Variants in MINDY2 observed in about 807,000 individuals in gnomAD.
MINDY2 encodes MINDY lysine 48 deubiquitinase 2, also known as ubiquitin carboxyl-terminal hydrolase MINDY-2.
MINDY2 carries 52 observed loss-of-function variants against 68.2 expected under a neutral mutation model. That is an observed-to-expected ratio of 0.76 (90% CI 0.61 to 0.96). The LOEUF (loss-of-function observed/expected upper bound fraction) is 0.96. Among genes scored for constraint, MINDY2 ranks in the 40% least tolerant of loss-of-function variants. MINDY2 has a pLI of 0.00. For missense variants in MINDY2, 881 were observed against 773.4 expected (o/e 1.14, Z -1.65); for synonymous variants, 372 against 303.0 (o/e 1.23, Z -2.36).
chr15:58,847,547 T>G (rs1460045879), intron 7 of MINDY2, 77 bp downstream of exon 7: 2 of 1,283,908 alleles, frequency 1.6e-6, no homozygotes, highest in Admixed American at 4.8e-5. Flanking sequence ...TCCAAAATTT[T>G]TCAACTAAAG....
chr15:58,811,630 AC>A (rs2030262997), intron 4 of MINDY2, among the ~76,000 whole-genome samples: 1 of 152,098 alleles, frequency 6.6e-6, no homozygotes, highest in South Asian at 2.1e-4. Flanking sequence ...GAGGAATACT[AC>A]CCCCAAGCTA....
intron 1 of MINDY2, among the ~76,000 whole-genome samples, chr15:58,783,475 G>T (rs1677746502): frequency 6.6e-6 from 1 of 151,846 alleles, no homozygotes; most frequent in African/African-American, 2.4e-5. Context: ...TTTTCCTTTG[G>T]ATTATCAAAA....
intron 6 of MINDY2, among the ~76,000 whole-genome samples, chr15:58,839,421 T>C (rs2032171381): frequency 6.6e-6 from 1 of 152,140 alleles, no homozygotes; most frequent in Non-Finnish European, 1.5e-5. Flanking sequence ...AACCTCCACC[T>C]CCCCGGTTCA....
At chr15:58,800,061 A>C (rs1278209760) in intron 2 of MINDY2, among the ~76,000 whole-genome samples, 2 of 152,236 alleles carry the variant, frequency 1.3e-5, no homozygotes, top group African/African-American at 4.8e-5. Flanking sequence ...AAGCGAGGTC[A>C]ATGTTGAAGC....
At position 58,860,226 on chromosome 15, in the gene MINDY2, G is replaced by C. The variant is rs375647845; in HGVS notation, c.*5616G>C. The C allele has an allele frequency of 6.6e-6, 1 of 152,196 alleles. No individual in the cohort carries two copies. The highest frequency in any genetic ancestry group is 6.5e-5 in the Admixed American group (1 of 15,272). The allele number at this position is 152,196 out of a possible 1,614,324, so 9.4% of individuals were successfully genotyped here. On this transcript the variant is annotated 3_prime_UTR_variant, in exon 9 of 9. Coordinates refer to ENST00000559228, the MANE Select transcript of MINDY2 (RefSeq NM_001040450.3). The stretch of plus-strand genomic sequence containing the variant: ...AGGACAAAACAAAATGTTTTGGAAG[G>C]TGATCCTGGCTCCTTTGGCTCTCAT...
At chr15:58,780,448 C>G (rs563250057) in intron 1 of MINDY2, among the ~76,000 whole-genome samples, 3 of 151,622 alleles carry the variant, frequency 2.0e-5, no homozygotes, top group South Asian at 4.2e-4. Context: ...GTTTAAATAA[C>G]TAGTCCAAGG....
Position 58,810,233 on chromosome 15 carries a change from A to G in MINDY2, c.967A>G (p.Met323Val), listed in dbSNP as rs1205743050. The G allele has an allele frequency of 2.5e-6, 4 of 1,603,126 alleles. No homozygotes were observed. The South Asian group carries it at 4.5e-5, about 18-fold the overall frequency. ...EIQRLNYEQN[M>V]SDAMAILHKL... is the part of the protein sequence containing the mutation. ...CTTTCCCCTTTTCTATTTTCAGAAT[A>G]TGAGTGATGCCATGGCAATTTTGCA... Residue 323 changes from methionine (M) to valine (V), a missense_variant, in exon 4 of 9, where the codon ATG becomes GTG. Coordinates refer to ENST00000559228, the MANE Select transcript of MINDY2 (RefSeq NM_001040450.3).
intron 5 of MINDY2, among the ~76,000 whole-genome samples, chr15:58,825,944 T>C (rs1267997591): frequency 6.6e-6 from 1 of 152,152 alleles, no homozygotes; most frequent in African/African-American, 2.4e-5. Context: ...AGGACAAAAA[T>C]ATGCTTATAA....
intron 8 of MINDY2, among the ~76,000 whole-genome samples, chr15:58,854,114 G>T (rs2032965161): frequency 6.6e-6 from 1 of 151,888 alleles, no homozygotes; most frequent in African/African-American, 2.4e-5. Flanking sequence ...CGTGGTGGCA[G>T]GTGCCTGTAA....
At chr15:58,776,648 GAGGAA>G (rs1900790396) in intron 1 of MINDY2, among the ~76,000 whole-genome samples, 1 of 152,106 alleles carries the variant, frequency 6.6e-6, no homozygotes, top group African/African-American at 2.4e-5. Context: ...GTTCTCTTTA[GAGGAA>G]AGGAACAACA....
At chr15:58,774,908 T>G (rs540735660) in intron 1 of MINDY2, among the ~76,000 whole-genome samples, 50 of 152,278 alleles carry the variant, frequency 3.3e-4, no homozygotes, top group Non-Finnish European at 6.0e-4. Context: ...GCTAATGAAT[T>G]TGGAGATTAT....
In MINDY2 at chr15:58,860,062, AT is replaced by A. The variant is rs2033172984; in HGVS notation, c.*5454del. On this transcript the variant is annotated 3_prime_UTR_variant, in exon 9 of 9. Coordinates refer to ENST00000559228, the MANE Select transcript of MINDY2 (RefSeq NM_001040450.3). ...ACCCCAGTAGACTTCTTCTTCTGCC[AT>A]TAAGTCTCTCTTTATCTGATATTCT... The A allele has an allele frequency of 6.6e-6, 1 of 152,192 alleles. No homozygotes were observed. Among genetic ancestry groups the A allele is most frequent in the Non-Finnish European group, 1.5e-5 (1 of 68,034 alleles). 9.4% of individuals were successfully genotyped at this position (152,192 alleles called of 1,614,324 possible).
intron 4 of MINDY2, among the ~76,000 whole-genome samples, chr15:58,816,755 A>G (rs1484317963): frequency 1.3e-5 from 2 of 152,206 alleles, no homozygotes; most frequent in Non-Finnish European, 2.9e-5. Flanking sequence ...ACTGTTTCCT[A>G]CAACTCACAC....
At chr15:58,774,241 G>A (rs1297115794) in intron 1 of MINDY2, among the ~76,000 whole-genome samples, 9 of 152,150 alleles carry the variant, frequency 5.9e-5, no homozygotes, top group Non-Finnish European at 1.2e-4. Context: ...CCAGCATTTC[G>A]GGAGGCCGAG....
chr15:58,835,169 T>A (rs1344109130), intron 6 of MINDY2, among the ~76,000 whole-genome samples: 1 of 152,196 alleles, frequency 6.6e-6, no homozygotes, highest in Non-Finnish European at 1.5e-5. Flanking sequence ...GACCTCGTAG[T>A]TTGACAAGGG....
chr15:58,828,793 C>A (rs1260462479), intron 5 of MINDY2, among the ~76,000 whole-genome samples: 1 of 151,838 alleles, frequency 6.6e-6, no homozygotes, highest in African/African-American at 2.4e-5. Flanking sequence ...GATCTCCTGA[C>A]CTCATGATCC....
chr15:58,773,339 G>A (rs1900564563), intron 1 of MINDY2, among the ~76,000 whole-genome samples: 1 of 152,174 alleles, frequency 6.6e-6, no homozygotes, highest in Non-Finnish European at 1.5e-5. Flanking sequence ...AGAAAATCAA[G>A]TAAAGGGAAT....
Position 58,831,755 on chromosome 15 carries a change from T to G in MINDY2, c.1226-19T>G, listed in dbSNP as rs2031737504. 1 of 1,595,912 alleles carries G rather than the reference T, an allele frequency of 6.3e-7. No individual in the cohort carries two copies. Among genetic ancestry groups the G allele is most frequent in the Non-Finnish European group, 8.5e-7 (1 of 1,173,314 alleles). Reference sequence around the variant, plus strand: ...TTTGAAATTATTCTTCTATCTAATGTTATGCATTGGTTCTATAGGCTTTGT... The same window carrying G: ...TTTGAAATTATTCTTCTATCTAATGGTATGCATTGGTTCTATAGGCTTTGT... On this transcript the variant is annotated intron_variant, in intron 5 of 8. Transcript: ENST00000559228.
rs2033180699 is a variant in MINDY2, at chr15:58,860,301, T to C, written c.*5691T>C. Reference sequence around the variant, plus strand: ...AAGTCAGGAAACTGGCCCGGTGCGGTGGCTCATGCCTGTAATCCCAGCACT... The same window carrying C: ...AAGTCAGGAAACTGGCCCGGTGCGGCGGCTCATGCCTGTAATCCCAGCACT... On this transcript the variant is annotated 3_prime_UTR_variant, in exon 9 of 9. Coordinates refer to ENST00000559228, the MANE Select transcript of MINDY2 (RefSeq NM_001040450.3). 6.6e-6 allele frequency: 1 copy of C among 152,192 alleles called. No individual in the cohort carries two copies. The highest frequency in any genetic ancestry group is 1.5e-5 in the Non-Finnish European group (1 of 68,060). The allele number at this position is 152,192 out of a possible 1,614,324, so 9.4% of individuals were successfully genotyped here. A position where few individuals can be genotyped will look rare whatever the true frequency, so the allele number is the denominator to read the frequency against.
Sources: gnomAD v4.1 joint callset for allele counts (sites outside exome capture counted in the v4.1 genomes callset) on GRCh38, gnomAD v4.1.1 for gene constraint, MANE v1.5 for transcripts, NCBI Gene and HGNC (gene_info 2026-07-23, HGNC 2026-07-21) for gene names.